MYO19: variants seen among roughly 807,000 people sequenced by gnomAD.
MYO19 encodes myosin XIX.
In MYO19, 132 loss-of-function variants were observed where a neutral mutation model predicts 129.2. The ratio of observed to expected loss-of-function variants is 1.02; its 90% CI spans 0.89 to 1.18. MYO19 has a LOEUF of 1.18. Ranked by LOEUF, MYO19 falls within the 50% of genes most tolerant of loss-of-function variation. The probability of loss-of-function intolerance (pLI) is 0.00; values close to 1 mark genes in which losing one functional copy is unlikely to be tolerated. For missense variants in MYO19, 1,210 were observed against 1,216.7 expected (o/e 0.99, Z 0.08); for synonymous variants, 531 against 477.2 (o/e 1.11, Z -1.47).
In MYO19 at chr17:36,514,545, A is replaced by G. The variant is rs748003900; in HGVS notation, c.621T>C (p.Ala207=). The G allele has an allele frequency of 6.2e-7, 1 of 1,608,450 alleles. No individual in the cohort carries two copies. ...GGACTGCGGCTCCAGTCATTTGCTG[A>G]GCCCTGGGACACACACAGGCCAGAG... ...GKFIQLQLNR[A]QQMTGAAVQT... Residue 207 remains alanine, a synonymous_variant, in exon 9 of 26, where the codon GCT becomes GCC. Coordinates refer to ENST00000614623, the MANE Select transcript of MYO19 (RefSeq NM_001163735.2).
chr17:36,509,010 G>T (rs1420778750), intron 14 of MYO19, 52 bp downstream of exon 14: 2 of 1,530,494 alleles, frequency 1.3e-6, no homozygotes, highest in South Asian at 2.3e-5. Context: ...CTCCATCCAG[G>T]GCTTTATTGC....
At position 36,498,476 on chromosome 17, in the gene MYO19, G is replaced by A. The variant is rs774544980; in HGVS notation, c.2547C>T (p.Thr849=). 6.2e-7 allele frequency: 1 copy of A among 1,614,072 alleles called. No homozygotes were observed. The highest frequency in any genetic ancestry group is 1.7e-5 in the Admixed American group (1 of 60,030). Residue 849 remains threonine, a synonymous_variant, in exon 25 of 26, where the codon ACC becomes ACT. Transcript: ENST00000614623. ...CCAGGAGCCTGGTCTGCAGCGGCGA[G>A]GTGCTCAGGGAACAGGGAGCTTGAG... is the stretch of plus-strand genomic sequence containing the variant. ...HFSQAPCSLS[T]SPLQTRLLEA...
At chr17:36,518,509 A>T (rs2072910899) in intron 6 of MYO19, among the ~76,000 whole-genome samples, 3 of 73,610 alleles carry the variant, frequency 4.1e-5, no homozygotes, top group African/African-American at 1.8e-4. Flanking sequence ...AAAAAAAAAA[A>T]AAAAAAAAAA....
intron 11 of MYO19, 148 bp downstream of exon 11, chr17:36,513,281 G>T: frequency 6.6e-7 from 1 of 1,520,006 alleles, no homozygotes. Flanking sequence ...CAGCAGAACA[G>T]AGGTGACTGA....
At chr17:36,525,176 C>T (rs2142323920) in intron 6 of MYO19, 52 bp downstream of exon 6, 5 of 1,379,236 alleles carry the variant, frequency 3.6e-6, no homozygotes, top group East Asian at 2.3e-5. Flanking sequence ...CCCTGCCTCC[C>T]TGTCCACCCA....
At position 36,498,493 on chromosome 17, in the gene MYO19, G is replaced by A; in HGVS notation, c.2530C>T (p.Pro844Ser). The A allele has an allele frequency of 1.2e-6, 2 of 1,614,060 alleles. No individual in the cohort carries two copies. Among genetic ancestry groups the A allele is most frequent in the Non-Finnish European group, 1.7e-6 (2 of 1,179,902 alleles). The change falls in exon 25 of 26, where the codon CCC (proline) becomes TCC (serine). Residue 844 changes from proline to serine, a missense_variant. Transcript: ENST00000614623. The part of the protein sequence containing the change: ...GVEEKHFSQA[P>S]CSLSTSPLQT... ...AGCGGCGAGGTGCTCAGGGAACAGG[G>A]AGCTTGAGAGAAGTGTTTTTCTTCC...
At chr17:36,507,285 T>C in intron 16 of MYO19, 114 bp downstream of exon 16, 1 of 1,412,230 alleles carries the variant, frequency 7.1e-7, no homozygotes, top group South Asian at 1.2e-5. Flanking sequence ...AATTAGCAGA[T>C]CTATTTGGCA....
chr17:36,520,392 C>T (rs1172795920), intron 6 of MYO19, among the ~76,000 whole-genome samples: 3 of 152,062 alleles, frequency 2.0e-5, no homozygotes, highest in Admixed American at 1.3e-4. Flanking sequence ...CTGTGCTTGC[C>T]ATCTTTGGTT....
chr17:36,518,129 A>T (rs947377519), intron 6 of MYO19, among the ~76,000 whole-genome samples: 56 of 150,930 alleles, frequency 3.7e-4, no homozygotes, highest in African/African-American at 1.3e-3. Flanking sequence ...TTGTGCTTTC[A>T]TTTTAATTTA....
intron 5 of MYO19, among the ~76,000 whole-genome samples, chr17:36,526,233 A>T (rs1301586094): frequency 6.6e-6 from 1 of 152,144 alleles, no homozygotes; most frequent in Non-Finnish European, 1.5e-5. Context: ...TTATTCGTCT[A>T]GTGGGTTCTG....
rs767320044 is a variant in MYO19 at position 36,513,438 on chromosome 17, G to A, written c.885C>T (p.Asn295=). Residue 295 remains asparagine (N), a synonymous_variant, in exon 11 of 26, where the codon AAC becomes AAT. Transcript: ENST00000614623. ...HLGIDTPTQN[N]IFKVLAGLLH... ...TGGCTTTTCTTCTGACCTTAAAGAT[G>A]TTGTTCTGGGTAGGGGTGTCAATGC... is the stretch of plus-strand genomic sequence containing the variant. 5 of 1,614,044 alleles carry A rather than the reference G, an allele frequency of 3.1e-6. No individual in the cohort carries two copies. Among genetic ancestry groups the A allele is most frequent in the South Asian group, 1.1e-5 (1 of 91,090 alleles).
At chr17:36,511,499 C>T (rs1271252228) in intron 11 of MYO19, 44 bp from the exon 12 acceptor site, 19 of 1,526,784 alleles carry the variant, frequency 1.2e-5, no homozygotes, top group African/African-American at 6.9e-5. Context: ...GAGGGCGTGA[C>T]GTGGGCCTAC....
rs1303538299 is a variant in MYO19, at chr17:36,500,926, G to C, written c.2281C>G (p.Leu761Val). ...ELLECGRARV[L>V]EQCARCIQGG... ...TGGATGCAGCGGGCACACTGCTCCA[G>C]CACCCGGGCACGCCCACATTCCAGA... The change falls in exon 23 of 26, where the codon CTG (leucine) becomes GTG (valine). Residue 761 changes from leucine to valine, a missense_variant. By Grantham distance (32) the Leu-to-Val change is conservative. Transcript: ENST00000614623. 5 of 1,611,194 alleles carry C rather than the reference G, an allele frequency of 3.1e-6. No homozygotes were observed. In the South Asian group the frequency reaches 4.4e-5, roughly 14 times the overall value.
At chr17:36,513,551 T>C in intron 10 of MYO19, 46 bp from the exon 11 acceptor site, 2 of 1,613,692 alleles carry the variant, frequency 1.2e-6, no homozygotes, top group Non-Finnish European at 1.7e-6. Flanking sequence ...AGCAGCAAGA[T>C]GCGAGGGAGG....
upstream of MYO19, chr17:36,534,917 G>A: frequency 6.6e-6 from 1 of 152,408 alleles, no homozygotes; most frequent in Non-Finnish European, 1.5e-5. Context: ...GCGCCGAACC[G>A]CACCCCGTCG....
At chr17:36,500,633 G>A in intron 23 of MYO19, 197 bp downstream of exon 23, 1 of 685,760 alleles carries the variant, frequency 1.5e-6, no homozygotes, top group Non-Finnish European at 2.3e-6. Context: ...TGTTTGTGGA[G>A]TGACTTGGTT....
upstream of MYO19, chr17:36,538,385 C>T (rs764343019): frequency 2.5e-6 from 4 of 1,614,050 alleles, no homozygotes; most frequent in South Asian, 2.2e-5. Context: ...AATCTCTAGT[C>T]CCTGAAGCCG....
upstream of MYO19, among the ~76,000 whole-genome samples, chr17:36,544,368 T>C (rs1294264089): frequency 6.6e-6 from 1 of 152,152 alleles, no homozygotes; most frequent in Non-Finnish European, 1.5e-5. Context: ...TTTTCTCCTC[T>C]TCCCACCGTG....
chr17:36,504,928 AAAG>A, intron 19 of MYO19: 7 of 287,082 alleles, frequency 2.4e-5, no homozygotes, highest in South Asian at 1.4e-4. Context: ...AAAAAAAAAA[AAAG>A]AAAAAAATGA....
Sources: allele counts gnomAD v4.1 joint callset (sites outside exome capture counted in the v4.1 genomes callset), GRCh38; gene constraint gnomAD v4.1.1; transcripts MANE v1.5; gene names NCBI Gene and HGNC (gene_info 2026-07-23, HGNC 2026-07-21).